Variants in PLCB4 observed in about 807,000 individuals in gnomAD.
PLCB4 encodes 1-phosphatidylinositol 4,5-bisphosphate phosphodiesterase beta-4.
Under a neutral mutation model 178.8 loss-of-function variants are expected in PLCB4, and 77 were observed. That is an observed-to-expected ratio of 0.43 (90% CI 0.36 to 0.52). The LOEUF is 0.52. Ranked by LOEUF, PLCB4 falls within the 20% of genes least tolerant of loss-of-function variation. PLCB4 has a pLI of 0.00. For missense variants in PLCB4, 1,024 were observed against 1,453.4 expected (o/e 0.70, Z 4.80); for synonymous variants, 496 against 490.8 (o/e 1.01, Z -0.14).
chr20:9,209,413 A>G lies in PLCB4; in HGVS notation c.-78-7977A>G, dbSNP rs1300162562. On this transcript the variant is annotated intron_variant, in intron 2 of 39. Transcript: ENST00000378473. ...CTGCCCCTTGGTTTACATCTCCTGT[A>G]TGATCCCCAGGACTGTGACTATGAC... Among the ~76,000 whole-genome samples, 5 of 151,222 alleles carry G rather than the reference A, an allele frequency of 3.3e-5. No individual in the cohort carries two copies. In the Admixed American group the frequency reaches 3.3e-4, roughly 10 times the overall value.
chr20:9,381,125 T>C (rs555479412), intron 13 of PLCB4, among the ~76,000 whole-genome samples: 4 of 152,330 alleles, frequency 2.6e-5, no homozygotes, highest in African/African-American at 9.6e-5. Context: ...AAGATACCTA[T>C]TTTAAGCAAG....
intron 2 of PLCB4, among the ~76,000 whole-genome samples, chr20:9,190,671 A>T (rs2093390301): frequency 6.6e-6 from 1 of 152,184 alleles, no homozygotes; most frequent in African/African-American, 2.4e-5. Flanking sequence ...AGGAGTCAAA[A>T]ATAACTACGA....
chr20:9,443,908 T>C (rs1197210795), intron 30 of PLCB4, 73 bp from the exon 31 acceptor site: 4 of 832,302 alleles, frequency 4.8e-6, no homozygotes, highest in Non-Finnish European at 8.0e-6. Flanking sequence ...TTTCGATATG[T>C]CAGTTCTATA....
At chr20:9,287,937 G>T (rs1455806951) in intron 3 of PLCB4, among the ~76,000 whole-genome samples, 6 of 151,902 alleles carry the variant, frequency 3.9e-5, no homozygotes, top group African/African-American at 7.2e-5. Context: ...TTTTTCAAAG[G>T]CATGTTTTCC....
At chr20:9,108,520 G>A (rs2091451917) in intron 2 of PLCB4, among the ~76,000 whole-genome samples, 1 of 152,078 alleles carries the variant, frequency 6.6e-6, no homozygotes, top group Non-Finnish European at 1.5e-5. Context: ...TGGTGCAAAA[G>A]TTGGATCAGC....
chr20:9,193,754 CAT>C (rs1461461899), intron 2 of PLCB4, among the ~76,000 whole-genome samples: 4 of 152,030 alleles, frequency 2.6e-5, no homozygotes, highest in African/African-American at 9.7e-5. Context: ...AAATAATAAA[CAT>C]ATATTTTGAT....
intron 17 of PLCB4, among the ~76,000 whole-genome samples, chr20:9,393,098 T>TACAAAACC (rs917259637): frequency 6.6e-6 from 1 of 152,102 alleles, no homozygotes; most frequent in African/African-American, 2.4e-5. Flanking sequence ...TTATCAAACC[T>TACAAAACC]ACAAAACCAC....
intron 1 of PLCB4, among the ~76,000 whole-genome samples, chr20:9,090,892 G>T (rs1311506851): frequency 6.6e-5 from 10 of 152,158 alleles, no homozygotes; most frequent in Non-Finnish European, 2.9e-5. Context: ...TCAATGCAAA[G>T]TATTAGAAGC....
chr20:9,462,698 A>G (rs1355310147), intron 35 of PLCB4, among the ~76,000 whole-genome samples: 2 of 152,212 alleles, frequency 1.3e-5, no homozygotes, highest in Non-Finnish European at 2.9e-5. Flanking sequence ...GAAATAAAGC[A>G]AGAAGAAAAG....
chr20:9,167,107 T>A (rs113367573), intron 2 of PLCB4, among the ~76,000 whole-genome samples: 1 of 152,170 alleles, frequency 6.6e-6, no homozygotes, highest in Non-Finnish European at 1.5e-5. Context: ...TGTATAGGTA[T>A]GATTTGCTTG....
Position 9,459,644 on chromosome 20 carries a change from A to G in PLCB4, c.3082A>G (p.Ile1028Val). The change falls in exon 35 of 40, where the codon ATT becomes GTT. Residue 1028 changes from isoleucine to valine, a missense_variant. Physicochemically the swap from Ile to Val is conservative, Grantham distance 29. Around this residue, in one of 7 missense-constraint regions of PLCB4, gnomAD observed 264 missense variants for 283.2 expected, o/e 0.93. Coordinates refer to ENST00000378473, the MANE Select transcript of PLCB4 (RefSeq NM_001377142.1). The part of the protein sequence containing the change: ...TSDHKSKVKE[I>V]VAQHTKEWSE... ...CCTTTTTCCCAAACAGGTCAAAGAG[A>G]TTGTAGCACAGCACACAAAGGAATG... is the stretch of plus-strand genomic sequence containing the variant. 1 of 1,602,708 alleles carries G rather than the reference A, an allele frequency of 6.2e-7. No individual in the cohort carries two copies.
chr20:9,084,538 A>G (rs1600284055), intron 1 of PLCB4, among the ~76,000 whole-genome samples: 1 of 151,916 alleles, frequency 6.6e-6, no homozygotes, highest in Non-Finnish European at 1.5e-5. Context: ...ATAAATTATC[A>G]TAAGACATTC....
At chr20:9,153,018 T>C (rs2092717370) in intron 2 of PLCB4, among the ~76,000 whole-genome samples, 1 of 152,188 alleles carries the variant, frequency 6.6e-6, no homozygotes, top group Non-Finnish European at 1.5e-5. Context: ...GTATCGGCCC[T>C]GTAACCCCTT....
chr20:9,428,794 A>G (rs890158314), intron 28 of PLCB4, among the ~76,000 whole-genome samples: 4 of 152,166 alleles, frequency 2.6e-5, no homozygotes, highest in African/African-American at 9.7e-5. Flanking sequence ...TGCCATGGGC[A>G]GTGCTCACCA....
At chr20:9,121,199 C>T (rs1444284714) in intron 2 of PLCB4, among the ~76,000 whole-genome samples, 1 of 152,166 alleles carries the variant, frequency 6.6e-6, no homozygotes, top group Non-Finnish European at 1.5e-5. Context: ...CCAGAGAGCA[C>T]TTGGAATTCA....
At chr20:9,308,114 C>T (rs2094792180) in intron 4 of PLCB4, among the ~76,000 whole-genome samples, 1 of 152,040 alleles carries the variant, frequency 6.6e-6, no homozygotes, top group African/African-American at 2.4e-5. Context: ...ACCTTCTAAA[C>T]ATTTTATGTG....
chr20:9,469,760 A>G (rs1164277774), intron 36 of PLCB4, among the ~76,000 whole-genome samples: 2 of 152,196 alleles, frequency 1.3e-5, no homozygotes, highest in Non-Finnish European at 1.5e-5. Context: ...CCTCTATAGA[A>G]GGTGCCAAGT....
chr20:9,170,835 A>G (rs1014011767), intron 2 of PLCB4, among the ~76,000 whole-genome samples: 3 of 152,204 alleles, frequency 2.0e-5, no homozygotes, highest in Non-Finnish European at 2.9e-5. Flanking sequence ...CAGACTCTCA[A>G]AATGGCCTGG....
chr20:9,118,105 T>C (rs1460101893), intron 2 of PLCB4, among the ~76,000 whole-genome samples: 1 of 152,090 alleles, frequency 6.6e-6, no homozygotes, highest in Admixed American at 6.6e-5. Context: ...AGAAAAAGGT[T>C]ACATGTGCAC....
Sources: allele counts gnomAD v4.1 joint callset (sites outside exome capture counted in the v4.1 genomes callset), GRCh38; gene constraint gnomAD v4.1.1; regional missense constraint gnomAD v4.1.1; transcripts MANE v1.5; gene names NCBI Gene and HGNC (gene_info 2026-07-23, HGNC 2026-07-21).